SASH1: variants seen among roughly 807,000 people sequenced by gnomAD.
SASH1 encodes the protein SAM and SH3 domain containing 1.
In SASH1, 44 loss-of-function variants were observed where a neutral mutation model predicts 125.2. That is an observed-to-expected ratio of 0.35 (90% CI 0.28 to 0.45). The LOEUF (loss-of-function observed/expected upper bound fraction) is 0.45, where lower values mean the gene tolerates loss of function less well. Among genes scored for constraint, SASH1 ranks in the 20% least tolerant of loss-of-function variants. SASH1 has a pLI of 1.00. For synonymous variants in SASH1, 639 were observed against 649.1 expected (o/e 0.98, Z 0.24); for missense variants, 1,426 against 1,614.5 (o/e 0.88, Z 2.00).
In SASH1 at chr6:148,515,752, TCA is replaced by T. The variant is rs533651799; in HGVS notation, c.862+1299_862+1300del. On this transcript the variant is annotated intron_variant, in intron 9 of 19. Transcript: ENST00000367467. ...TACCCTGTGGCGGCCCTTACCGAAA[TCA>T]CAGACAGGGTCAGTTGGTACTGTTG... Among the ~76,000 whole-genome samples, 38 of 152,290 alleles carry T rather than the reference TCA, an allele frequency of 2.5e-4. 1 individual carries two copies. In the South Asian group the frequency reaches 7.9e-3, roughly 32 times the overall value.
At chr6:148,481,320 CT>C (rs1230830847) in intron 7 of SASH1, among the ~76,000 whole-genome samples, 1 of 152,160 alleles carries the variant, frequency 6.6e-6, no homozygotes, top group Non-Finnish European at 1.5e-5. Flanking sequence ...TTCAAACTTT[CT>C]CCATGTCAGC....
At chr6:148,359,821 C>T (rs2114700262) in intron 1 of SASH1, among the ~76,000 whole-genome samples, 1 of 152,180 alleles carries the variant, frequency 6.6e-6, no homozygotes, top group African/African-American at 2.4e-5. Flanking sequence ...TACAGTGGTG[C>T]AATCTCAGCT....
At chr6:148,263,270 C>T in the SASH1 span, among the ~76,000 whole-genome samples, 2 of 152,302 alleles carry the variant, frequency 1.3e-5, no homozygotes, top group East Asian at 1.9e-4. Flanking sequence ...AAAGCCTGTG[C>T]CTGCCTGTGG....
At chr6:148,508,961 G>GC in intron 8 of SASH1, 1 of 636,204 alleles carries the variant, frequency 1.6e-6, no homozygotes, top group Non-Finnish European at 2.6e-6. Context: ...TCCTGCCTAT[G>GC]ATGTTTCTCT....
At chr6:148,387,372 A>T (rs1412637227) in intron 1 of SASH1, among the ~76,000 whole-genome samples, 1 of 151,520 alleles carries the variant, frequency 6.6e-6, no homozygotes. Context: ...CCTGCCTCCC[A>T]AAGTGCTGGG....
At chr6:148,393,717 G>T in intron 2 of SASH1, 1 of 985,326 alleles carries the variant, frequency 1.0e-6, no homozygotes, top group Non-Finnish European at 1.2e-6. Context: ...CAGTCTGGGG[G>T]GAGAAAACAC....
At chr6:148,233,210 A>G in the SASH1 span, among the ~76,000 whole-genome samples, 10 of 146,328 alleles carry the variant, frequency 6.8e-5, no homozygotes, top group African/African-American at 2.0e-4. Flanking sequence ...GAGAAACTCC[A>G]TCTTAAAAAA....
intron 1 of SASH1, among the ~76,000 whole-genome samples, chr6:148,326,376 A>ACATACATTCTTTTCTTTTCTTTTCTT (rs1554235371): frequency 2.1e-4 from 8 of 38,314 alleles, no homozygotes; most frequent in Non-Finnish European, 4.0e-4. Flanking sequence ...ATATATATAC[A>ACATACATTCTTTTCTTTTCTTTTCTT]TTCTTTTCTT....
intron 1 of SASH1, among the ~76,000 whole-genome samples, chr6:148,314,720 T>C (rs1780434857): frequency 6.6e-6 from 1 of 152,110 alleles, no homozygotes; most frequent in Non-Finnish European, 1.5e-5. Context: ...TTAGAATTCC[T>C]TTTGCTCCCC....
At chr6:148,450,452 G>A (rs1172122497) in intron 4 of SASH1, among the ~76,000 whole-genome samples, 1 of 152,064 alleles carries the variant, frequency 6.6e-6, no homozygotes, top group Non-Finnish European at 1.5e-5. Flanking sequence ...TGCATTGGAA[G>A]CATTTCCTTC....
the SASH1 span, among the ~76,000 whole-genome samples, chr6:148,264,602 T>TC: frequency 2.0e-5 from 3 of 152,208 alleles, no homozygotes; most frequent in African/African-American, 7.2e-5. Flanking sequence ...TGGCCTCTTG[T>TC]CATGTTGTCC....
chr6:148,330,177 C>A (rs1780949433), intron 1 of SASH1, among the ~76,000 whole-genome samples: 1 of 152,166 alleles, frequency 6.6e-6, no homozygotes, highest in African/African-American at 2.4e-5. Flanking sequence ...AATACTCATG[C>A]AAATGTCATT....
chr6:148,455,641 C>T (rs914674281), intron 4 of SASH1, among the ~76,000 whole-genome samples: 6 of 152,176 alleles, frequency 3.9e-5, no homozygotes, highest in African/African-American at 1.4e-4. Context: ...TCTGAGAAGA[C>T]AGGAAAACTT....
intron 7 of SASH1, among the ~76,000 whole-genome samples, chr6:148,476,447 C>T (rs545702117): frequency 6.6e-6 from 1 of 152,024 alleles, no homozygotes; most frequent in Non-Finnish European, 1.5e-5. Context: ...TTTGGGAGGC[C>T]GAGGCGGACA....
chr6:148,295,429 G>A (rs561282961), intron 1 of SASH1, among the ~76,000 whole-genome samples: 1 of 152,270 alleles, frequency 6.6e-6, no homozygotes, highest in Non-Finnish European at 1.5e-5. Context: ...AACAATCAAG[G>A]CATTTTCTGA....
At chr6:148,312,816 T>C (rs760980335) in intron 1 of SASH1, among the ~76,000 whole-genome samples, 20 of 152,074 alleles carry the variant, frequency 1.3e-4, no homozygotes, top group Non-Finnish European at 1.6e-4. Flanking sequence ...GGTTCTATTG[T>C]CCTATAGGGA....
chr6:148,515,531 G>C lies in SASH1; in HGVS notation c.862+1075G>C, dbSNP rs952848970. Among the ~76,000 whole-genome samples the C allele has an allele frequency of 3.9e-5, 6 of 152,268 alleles. No individual in the cohort carries two copies. The South Asian group carries it at 1.0e-3, about 26-fold the overall frequency. ...CTAAGTGGGTAACTGTGAGAGAATG[G>C]GGATTCGAATGGAAAACAAAAACAT... On this transcript the variant is annotated intron_variant, in intron 9 of 19. Transcript: ENST00000367467.
At chr6:148,423,771 T>A (rs1775680862) in intron 2 of SASH1, among the ~76,000 whole-genome samples, 1 of 152,132 alleles carries the variant, frequency 6.6e-6, no homozygotes, top group South Asian at 2.1e-4. Context: ...CAGGAAACAC[T>A]CGTTGAATAG....
upstream of SASH1, among the ~76,000 whole-genome samples, chr6:148,267,658 A>C (rs1778978819): frequency 6.6e-6 from 1 of 152,150 alleles, no homozygotes; most frequent in Non-Finnish European, 1.5e-5. Flanking sequence ...GATTACAGAC[A>C]TGAGTCACCG....
Sources: allele counts gnomAD v4.1 joint callset (sites outside exome capture counted in the v4.1 genomes callset), GRCh38; gene constraint gnomAD v4.1.1; transcripts MANE v1.5; gene names NCBI Gene and HGNC (gene_info 2026-07-23, HGNC 2026-07-21).